Variants in PLCG2 observed in about 807,000 individuals in gnomAD.
The protein encoded by PLCG2 is 1-phosphatidylinositol 4,5-bisphosphate phosphodiesterase gamma-2.
Under a neutral mutation model 175.6 loss-of-function variants are expected in PLCG2, and 69 were observed. The observed-to-expected ratio is 0.39, with a 90% CI of 0.32 to 0.48. The LOEUF (loss-of-function observed/expected upper bound fraction) is 0.48. Among genes scored for constraint, PLCG2 ranks in the 20% least tolerant of loss-of-function variants. The probability of loss-of-function intolerance (pLI) is 0.91; values close to 1 mark genes in which losing one functional copy is unlikely to be tolerated. For synonymous variants in PLCG2, 827 were observed against 624.0 expected, an observed-to-expected ratio of 1.33 and a Z score of -4.85; for missense variants, 1,798 against 1,650.9, an observed-to-expected ratio of 1.09 and a Z score of -1.54.
intron 2 of PLCG2, among the ~76,000 whole-genome samples, chr16:81,795,512 G>C (rs915652664): frequency 1.3e-5 from 2 of 152,208 alleles, no homozygotes; most frequent in Admixed American, 6.5e-5. Context: ...AGTGGGATTG[G>C]GGGTGGGACT....
At chr16:81,764,132 A>G (rs1179946979) in intron 2 of PLCG2, among the ~76,000 whole-genome samples, 2 of 151,934 alleles carry the variant, frequency 1.3e-5, no homozygotes, top group Non-Finnish European at 2.9e-5. Context: ...ATTTCTATAA[A>G]AAATTTAAAA....
chr16:81,832,491 G>C (rs2143390601), intron 2 of PLCG2, among the ~76,000 whole-genome samples: 1 of 152,298 alleles, frequency 6.6e-6, no homozygotes, highest in South Asian at 2.1e-4. Context: ...CTGGGTTCAA[G>C]CTATCTTCCC....
At chr16:81,767,136 GTTTTTT>G (rs66799783) in intron 2 of PLCG2, among the ~76,000 whole-genome samples, 3 of 71,726 alleles carry the variant, frequency 4.2e-5, no homozygotes, top group Admixed American at 4.1e-4. Context: ...TAAACTCGTG[GTTTTTT>G]TTTTTTTTTT....
chr16:81,769,621 C>T (rs918014081), intron 2 of PLCG2, among the ~76,000 whole-genome samples: 8 of 151,490 alleles, frequency 5.3e-5, no homozygotes, highest in Non-Finnish European at 1.0e-4. Context: ...GAGACCATCC[C>T]GGCTAAAAAA....
At chr16:81,841,204 CTTTA>C (rs144363484) in intron 2 of PLCG2, among the ~76,000 whole-genome samples, 39,830 of 144,312 alleles carry the variant, frequency 0.28, 5,552 homozygotes, top group South Asian at 0.32. Flanking sequence ...AAAAAGTAAA[CTTTA>C]TTTATTTATT....
Position 81,893,716 on chromosome 16 carries a change from A to G in PLCG2, c.994A>G (p.Thr332Ala). Residue 332 changes from threonine (T) to alanine (A), a missense_variant, in exon 12 of 33, where the codon ACA becomes GCA. Coordinates refer to ENST00000564138, the MANE Select transcript of PLCG2 (RefSeq NM_002661.5). ...CTGCCTTCTCTCCTGCAGGTACCTTACAGGTGACCAGCTGCGGAGCGAGTC... is the reference window on the plus strand; with the variant it reads ...CTGCCTTCTCTCCTGCAGGTACCTTGCAGGTGACCAGCTGCGGAGCGAGTC... The part of the protein sequence containing the change: ...WISSSHNTYL[T>A]GDQLRSESSP... The G allele has an allele frequency of 6.2e-7, 1 of 1,608,642 alleles. No homozygotes were observed. Among genetic ancestry groups the G allele is most frequent in the Non-Finnish European group, 8.5e-7 (1 of 1,176,246 alleles).
intron 2 of PLCG2, among the ~76,000 whole-genome samples, chr16:81,761,114 C>T (rs1910033132): frequency 6.6e-6 from 1 of 152,146 alleles, no homozygotes; most frequent in Non-Finnish European, 1.5e-5. Context: ...CCAGGCTGGT[C>T]TCAAACTTCT....
intron 2 of PLCG2, chr16:81,767,819 C>T (rs1295749620): frequency 1.3e-5 from 2 of 152,240 alleles, no homozygotes; most frequent in Admixed American, 6.5e-5. Flanking sequence ...CTGTACAACA[C>T]TGCCTCTTCC....
rs2143657535 is a variant in PLCG2, at chr16:81,910,575, C to G, written c.1789C>G (p.Leu597Val). The G allele has an allele frequency of 6.2e-7, 1 of 1,614,152 alleles. No homozygotes were observed. The highest frequency in any genetic ancestry group is 1.1e-5 in the South Asian group (1 of 91,090). ...CCGCTCCACCATGGAGGGCGGGACC[C>G]TGAAATACTACTTGACTGACAACCT... is the stretch of plus-strand genomic sequence containing the variant. Reference protein sequence around the residue: ...RIRSTMEGGTLKYYLTDNLTF... With the variant: ...RIRSTMEGGTVKYYLTDNLTF... The change falls in exon 18 of 33, where the codon CTG becomes GTG. Residue 597 changes from leucine to valine, a missense_variant. Leu to Val is a conservative substitution (Grantham distance 32). Coordinates refer to ENST00000564138, the MANE Select transcript of PLCG2 (RefSeq NM_002661.5).
intron 19 of PLCG2, among the ~76,000 whole-genome samples, chr16:81,913,512 C>A (rs373946027): frequency 6.6e-6 from 1 of 152,216 alleles, no homozygotes; most frequent in Non-Finnish European, 1.5e-5. Flanking sequence ...CAGGCCTGTC[C>A]GTCTCCAAAG....
chr16:81,793,620 A>G (rs983616651), intron 2 of PLCG2, among the ~76,000 whole-genome samples: 2 of 152,168 alleles, frequency 1.3e-5, no homozygotes, highest in African/African-American at 4.8e-5. Flanking sequence ...ACGGATTCTC[A>G]AACATATGAG....
intron 1 of PLCG2, among the ~76,000 whole-genome samples, chr16:81,742,404 G>A (rs539140677): frequency 6.6e-6 from 1 of 152,294 alleles, no homozygotes; most frequent in South Asian, 2.1e-4. Context: ...CCCTGCCTGT[G>A]TATGACTCTA....
At chr16:81,740,028 C>T (rs1254541521) in intron 1 of PLCG2, among the ~76,000 whole-genome samples, 2 of 150,948 alleles carry the variant, frequency 1.3e-5, no homozygotes, top group South Asian at 2.1e-4. Context: ...ATCACAGTTA[C>T]TCGGGAGGCT....
At chr16:81,943,345 T>C (rs999931630) in intron 30 of PLCG2, among the ~76,000 whole-genome samples, 12 of 152,134 alleles carry the variant, frequency 7.9e-5, no homozygotes, top group Admixed American at 3.3e-4. Context: ...AACAAGCACA[T>C]ATTTACATGG....
intron 14 of PLCG2, among the ~76,000 whole-genome samples, chr16:81,904,024 T>G (rs1278276061): frequency 6.6e-6 from 1 of 152,210 alleles, no homozygotes; most frequent in Admixed American, 6.5e-5. Context: ...CCTCAGCCCT[T>G]GCCCACTTTA....
chr16:81,771,201 C>T (rs181649315), intron 2 of PLCG2, among the ~76,000 whole-genome samples: 36 of 152,300 alleles, frequency 2.4e-4, no homozygotes, highest in Admixed American at 1.8e-3. Context: ...CCTTCTGCTG[C>T]CTCCAAGGCA....
At position 81,960,667 on chromosome 16, in the gene PLCG2, G is replaced by A. The variant is rs989590144; in HGVS notation, c.*2669G>A. On this transcript the variant is annotated 3_prime_UTR_variant, in exon 33 of 33. Coordinates refer to ENST00000564138, the MANE Select transcript of PLCG2 (RefSeq NM_002661.5). ...GTGTCTCATGGGACTTATCTATAGT[G>A]GAACACATTTGAAGACCTACTGCTC... 5 of 230,516 alleles carry A rather than the reference G, an allele frequency of 2.2e-5. No homozygotes were observed. Among genetic ancestry groups the A allele is most frequent in the Non-Finnish European group, 4.3e-5 (5 of 116,398 alleles). 14.3% of individuals were successfully genotyped at this position (230,516 alleles called of 1,614,324 possible).
At chr16:81,793,329 C>T (rs935192374) in intron 2 of PLCG2, among the ~76,000 whole-genome samples, 1 of 152,204 alleles carries the variant, frequency 6.6e-6, no homozygotes, top group African/African-American at 2.4e-5. Context: ...GAGCAGTCTT[C>T]AGGTGGGAAG....
Position 81,936,266 on chromosome 16 carries a change from G to A in PLCG2, c.2940G>A (p.Lys980=), listed in dbSNP as rs376216756. ...TCGACCTCCTGAAGTACAATCAAAA[G>A]GGCCTGACCCGCGTCTACCCAAAGG... The part of the protein sequence containing the change: ...KPVDLLKYNQ[K]GLTRVYPKGQ... The change falls in exon 27 of 33, where the codon AAG becomes AAA. Residue 980 remains lysine, a synonymous_variant. Coordinates refer to ENST00000564138, the MANE Select transcript of PLCG2 (RefSeq NM_002661.5). 45 of 1,614,140 alleles carry A rather than the reference G, an allele frequency of 2.8e-5. No homozygotes were observed. The African/African-American group carries it at 5.2e-4, about 19-fold the overall frequency.
Sources: gnomAD v4.1 joint callset for allele counts (sites outside exome capture counted in the v4.1 genomes callset) on GRCh38, gnomAD v4.1.1 for gene constraint, MANE v1.5 for transcripts, NCBI Gene and HGNC (gene_info 2026-07-23, HGNC 2026-07-21) for gene names.